MAPK8: variants seen among roughly 807,000 people sequenced by gnomAD.
MAPK8 encodes the protein JUN N-terminal kinase.
MAPK8 carries 13 observed loss-of-function variants against 52.9 expected under a neutral mutation model. The ratio of observed to expected loss-of-function variants is 0.25; its 90% CI spans 0.16 to 0.39. The LOEUF (loss-of-function observed/expected upper bound fraction) is 0.39, where lower values mean the gene tolerates loss of function less well. Ranked by LOEUF, MAPK8 falls within the 10% of genes least tolerant of loss-of-function variation. The pLI, the probability that MAPK8 is intolerant of heterozygous loss-of-function variation, is 1.00. For synonymous variants in MAPK8, 191 were observed against 169.8 expected, an observed-to-expected ratio of 1.12 and a Z score of -0.97; for missense variants, 300 against 519.2, an observed-to-expected ratio of 0.58 and a Z score of 4.10.
At chr10:48,360,574 AGATTAGATAAACTGT>A (rs1182135620) in intron 1 of MAPK8, among the ~76,000 whole-genome samples, 7 of 152,186 alleles carry the variant, frequency 4.6e-5, no homozygotes, top group Non-Finnish European at 1.0e-4. Context: ...CCTCAGTAGT[AGATTAGATAAACTGT>A]GGTATATTCA....
At chr10:48,424,575 AG>A (rs756439086) in intron 7 of MAPK8, 3 of 1,596,252 alleles carry the variant, frequency 1.9e-6, no homozygotes, top group African/African-American at 2.7e-5. Flanking sequence ...TTTTGTTCCC[AG>A]GTACAGATCG....
At chr10:48,317,848 G>A (rs1034778337) in intron 1 of MAPK8, among the ~76,000 whole-genome samples, 1 of 152,158 alleles carries the variant, frequency 6.6e-6, no homozygotes, top group Non-Finnish European at 1.5e-5. Flanking sequence ...GGAGTTTGGG[G>A]AGTTTGAAGC....
At chr10:48,389,639 T>C (rs1329745460) in intron 1 of MAPK8, among the ~76,000 whole-genome samples, 1 of 152,226 alleles carries the variant, frequency 6.6e-6, no homozygotes, top group Admixed American at 6.5e-5. Context: ...AATAACAGTT[T>C]GTTCACTTGT....
At chr10:48,349,269 C>A (rs996892072) in intron 1 of MAPK8, among the ~76,000 whole-genome samples, 1 of 152,080 alleles carries the variant, frequency 6.6e-6, no homozygotes, top group African/African-American at 2.4e-5. Context: ...CTGGACCAAG[C>A]GGACCTAATA....
chr10:48,399,404 G>T (rs909646764), intron 1 of MAPK8, among the ~76,000 whole-genome samples: 9 of 152,166 alleles, frequency 5.9e-5, no homozygotes, highest in Non-Finnish European at 1.3e-4. Context: ...ACTACTAGCT[G>T]GGGCTGCCTG....
chr10:48,416,894 G>A (rs779498528), intron 5 of MAPK8, among the ~76,000 whole-genome samples: 2 of 152,130 alleles, frequency 1.3e-5, no homozygotes, highest in Non-Finnish European at 2.9e-5. Context: ...ATTGAAGAAT[G>A]TATTTTCCTT....
chr10:48,344,101 A>G (rs1845546790), intron 1 of MAPK8, among the ~76,000 whole-genome samples: 1 of 152,238 alleles, frequency 6.6e-6, no homozygotes, highest in South Asian at 2.1e-4. Flanking sequence ...CAAATGAAAT[A>G]GTTGGTAAAA....
At position 48,404,840 on chromosome 10, in the gene MAPK8, T is replaced by A. The variant is rs753663566; in HGVS notation, c.123-12T>A. 6.0e-5 allele frequency: 95 copies of A among 1,573,102 alleles called. No individual in the cohort carries two copies. Among genetic ancestry groups the A allele is most frequent in the Non-Finnish European group, 7.3e-5 (85 of 1,163,954 alleles). ...GAAGTTTTTTTGTGTGTTTTTGAAT[T>A]TCTTATTACAGCGCAGCTTATGATG... is the stretch of plus-strand genomic sequence containing the variant. On this transcript the variant is annotated splice_polypyrimidine_tract_variant and intron_variant, in intron 2 of 11. Coordinates refer to ENST00000374189, the MANE Select transcript of MAPK8 (RefSeq NM_001323329.2).
chr10:48,329,146 C>A (rs541209905), intron 1 of MAPK8, among the ~76,000 whole-genome samples: 1 of 152,320 alleles, frequency 6.6e-6, no homozygotes, highest in African/African-American at 2.4e-5. Context: ...TGCGCAGGGT[C>A]ATACACGAGT....
chr10:48,376,276 A>G (rs1262972376), intron 1 of MAPK8, among the ~76,000 whole-genome samples: 1 of 152,236 alleles, frequency 6.6e-6, no homozygotes, highest in African/African-American at 2.4e-5. Context: ...ACCTAAAACC[A>G]TAAAAATCCT....
At chr10:48,344,247 T>G (rs1038243912) in intron 1 of MAPK8, among the ~76,000 whole-genome samples, 1 of 152,214 alleles carries the variant, frequency 6.6e-6, no homozygotes, top group Non-Finnish European at 1.5e-5. Context: ...ACTTAGAAAG[T>G]CTAGGGTAAC....
intron 1 of MAPK8, among the ~76,000 whole-genome samples, chr10:48,339,328 A>G (rs1389953834): frequency 6.6e-6 from 1 of 152,194 alleles, no homozygotes; most frequent in Non-Finnish European, 1.5e-5. Flanking sequence ...AAAAATAAGC[A>G]ATAGAGAAAG....
At chr10:48,319,364 C>A (rs939548482) in intron 1 of MAPK8, among the ~76,000 whole-genome samples, 1 of 152,084 alleles carries the variant, frequency 6.6e-6, no homozygotes, top group Non-Finnish European at 1.5e-5. Flanking sequence ...ATGTTTGTCA[C>A]CCCAGAAAGT....
chr10:48,351,943 C>A (rs550053745), intron 1 of MAPK8, among the ~76,000 whole-genome samples: 2 of 152,088 alleles, frequency 1.3e-5, no homozygotes, highest in Non-Finnish European at 2.9e-5. Context: ...TGGAGCATTT[C>A]GGATTTCAGA....
intron 1 of MAPK8, among the ~76,000 whole-genome samples, chr10:48,390,147 T>C (rs920614478): frequency 1.3e-5 from 2 of 152,112 alleles, no homozygotes; most frequent in Admixed American, 6.6e-5. Flanking sequence ...ATGTCCAAGC[T>C]CAAGGCAGGC....
In MAPK8 at chr10:48,435,055, G is replaced by GT; in HGVS notation, c.*26_*27insT. On this transcript the variant is annotated 3_prime_UTR_variant, in exon 12 of 12. Coordinates refer to ENST00000374189, the MANE Select transcript of MAPK8 (RefSeq NM_001323329.2). ...CTACTTGGGCCATCGGGGGGTGGGA[G>GT]GGATGGGGAGTCGGTTAGTCATTGA... 3 of 1,375,554 alleles carry GT rather than the reference G, an allele frequency of 2.2e-6. No individual in the cohort carries two copies. Among genetic ancestry groups the GT allele is most frequent in the Non-Finnish European group, 3.0e-6 (3 of 1,008,432 alleles). 85.2% of individuals were successfully genotyped at this position (1,375,554 alleles called of 1,614,324 possible).
chr10:48,368,785 G>A (rs961787617), intron 1 of MAPK8, among the ~76,000 whole-genome samples: 3 of 152,146 alleles, frequency 2.0e-5, no homozygotes, highest in Non-Finnish European at 4.4e-5. Flanking sequence ...TAGGAAGTGC[G>A]GCTGGACTTC....
At chr10:48,389,559 T>C (rs748838396) in intron 1 of MAPK8, among the ~76,000 whole-genome samples, 5 of 152,180 alleles carry the variant, frequency 3.3e-5, no homozygotes, top group Non-Finnish European at 7.4e-5. Context: ...ATCATCTTTC[T>C]CTTTCTCTTT....
chr10:48,309,862 C>G (rs1192656081), intron 1 of MAPK8, among the ~76,000 whole-genome samples: 1 of 152,154 alleles, frequency 6.6e-6, no homozygotes, highest in Non-Finnish European at 1.5e-5. Context: ...TGGGTAGTAG[C>G]TTTTCTGATT....
Sources: gnomAD v4.1 joint callset for allele counts (sites outside exome capture counted in the v4.1 genomes callset) on GRCh38, gnomAD v4.1.1 for gene constraint, MANE v1.5 for transcripts, NCBI Gene and HGNC (gene_info 2026-07-23, HGNC 2026-07-21) for gene names.